PDE10A: variants seen among roughly 807,000 people sequenced by gnomAD.
PDE10A encodes cAMP and cAMP-inhibited cGMP 3',5'-cyclic phosphodiesterase 10A.
In PDE10A, 39 loss-of-function variants were observed where a neutral mutation model predicts 97.7. The ratio of observed to expected loss-of-function variants is 0.40; its 90% CI spans 0.31 to 0.52. PDE10A has a LOEUF of 0.52. PDE10A is among the 20% of genes least tolerant of loss of function. The pLI is 0.56. For synonymous variants in PDE10A, 371 were observed against 376.8 expected, an observed-to-expected ratio of 0.98 and a Z score of 0.18; for missense variants, 731 against 1,047.8, an observed-to-expected ratio of 0.70 and a Z score of 4.17.
chr6:165,342,084 T>C (rs1782005708), intron 19 of PDE10A, among the ~76,000 whole-genome samples: 1 of 152,236 alleles, frequency 6.6e-6, no homozygotes. Context: ...TAAGTTTTGA[T>C]AAATTTTAAC....
At chr6:165,363,766 T>C (rs1326804919) in intron 18 of PDE10A, among the ~76,000 whole-genome samples, 2 of 152,068 alleles carry the variant, frequency 1.3e-5, no homozygotes, top group African/African-American at 4.8e-5. Flanking sequence ...TTAACAAAAT[T>C]CCACTTACAA....
intron 1 of PDE10A, among the ~76,000 whole-genome samples, chr6:165,822,754 A>G (rs1115675): frequency 0.51 from 78,217 of 152,006 alleles, 21,715 homozygotes; most frequent in East Asian, 0.88. Context: ...TATCAACACT[A>G]TACACTTAGG....
At chr6:165,692,919 G>A (rs904981336) in intron 1 of PDE10A, among the ~76,000 whole-genome samples, 9 of 152,134 alleles carry the variant, frequency 5.9e-5, no homozygotes, top group Admixed American at 3.3e-4. Flanking sequence ...GTGTCTGTAC[G>A]GCAGAGATAA....
At chr6:165,747,675 G>T (rs553168296) in intron 1 of PDE10A, among the ~76,000 whole-genome samples, 4 of 152,254 alleles carry the variant, frequency 2.6e-5, no homozygotes, top group Admixed American at 2.6e-4. Context: ...GAAAGAAAAT[G>T]AGCCAGTAGG....
In PDE10A at chr6:165,464,455, G is replaced by T. The variant is rs1323145803; in HGVS notation, c.1024-14093C>A. The stretch of plus-strand genomic sequence containing the variant: ...TTTCTCAAGTCTAGAATACACAGAG[G>T]TAGTTTTAGAATTGCTAAGCCATAC... On this transcript the variant is annotated intron_variant, in intron 3 of 21. Transcript: ENST00000539869. Among the ~76,000 whole-genome samples the T allele has an allele frequency of 2.0e-5, 3 of 152,112 alleles. No homozygotes were observed. The East Asian group carries it at 5.8e-4, about 29-fold the overall frequency.
chr6:165,580,574 T>C (rs1326595116), intron 1 of PDE10A, among the ~76,000 whole-genome samples: 3 of 152,220 alleles, frequency 2.0e-5, no homozygotes. Context: ...TATAAGGTAA[T>C]GGTGATGTAG....
At chr6:165,475,259 A>G (rs1299932023) in intron 3 of PDE10A, among the ~76,000 whole-genome samples, 3 of 152,226 alleles carry the variant, frequency 2.0e-5, no homozygotes, top group Non-Finnish European at 4.4e-5. Flanking sequence ...TGTAGAATAT[A>G]TGGTCATAAG....
In PDE10A at chr6:165,936,553, C is replaced by G. The variant is rs180975331; in HGVS notation, c.-615+50976G>C. Among the ~76,000 whole-genome samples, 9 of 152,260 alleles carry G rather than the reference C, an allele frequency of 5.9e-5. No homozygotes were observed. In the East Asian group the frequency reaches 1.7e-3, roughly 29 times the overall value. The stretch of plus-strand genomic sequence containing the variant: ...GCACCAGAAGACAGCTGTGTCCCCA[C>G]CACTGGCTGTGTCTATTGTGTGGTG... On this transcript the variant is annotated intron_variant, in intron 1 of 19. Coordinates refer to the PDE10A transcript ENST00000366882.
At position 165,794,345 on chromosome 6, in the gene PDE10A, A is replaced by G. The variant is rs377128344; in HGVS notation, c.-615+193184T>C. Among the ~76,000 whole-genome samples, 27 of 150,124 alleles carry G rather than the reference A, an allele frequency of 1.8e-4. No homozygotes were observed. The East Asian group carries it at 5.1e-3, about 28-fold the overall frequency. ...TCATCACACACTCATAAACACCCAGACTCACACAGATGCTCACACACACTC... is the reference window on the plus strand; with the variant it reads ...TCATCACACACTCATAAACACCCAGGCTCACACAGATGCTCACACACACTC... On this transcript the variant is annotated intron_variant, in intron 1 of 19. Transcript: ENST00000366882.
intron 3 of PDE10A, among the ~76,000 whole-genome samples, chr6:165,469,653 TATC>T (rs1338542635): frequency 6.6e-6 from 1 of 152,010 alleles, no homozygotes; most frequent in Non-Finnish European, 1.5e-5. Flanking sequence ...GGTGAGAAGT[TATC>T]ATCAAGAATG....
chr6:165,610,088 A>G (rs1787416820), intron 1 of PDE10A, among the ~76,000 whole-genome samples: 1 of 152,240 alleles, frequency 6.6e-6, no homozygotes, highest in Non-Finnish European at 1.5e-5. Flanking sequence ...TGGAGGCATC[A>G]TGCTACCTGA....
At chr6:165,798,764 A>G (rs1312470675) in intron 1 of PDE10A, among the ~76,000 whole-genome samples, 1 of 152,202 alleles carries the variant, frequency 6.6e-6, no homozygotes, top group Non-Finnish European at 1.5e-5. Flanking sequence ...CCCAGACTGG[A>G]GTGCAGTGGC....
chr6:165,987,908 A>G (rs1281117653), exon 1 of PDE10A: 6 of 372,236 alleles, frequency 1.6e-5, no homozygotes, highest in African/African-American at 6.4e-5. Context: ...TCTCAGCTCA[A>G]GCTCCCAGCA....
chr6:165,958,617 G>A (rs929260027), intron 1 of PDE10A, among the ~76,000 whole-genome samples: 1 of 145,338 alleles, frequency 6.9e-6, no homozygotes, highest in South Asian at 2.2e-4. Flanking sequence ...AAGGAAGGAA[G>A]GAAGGAATGA....
At chr6:165,617,734 A>G (rs920633285) in intron 1 of PDE10A, among the ~76,000 whole-genome samples, 1 of 152,150 alleles carries the variant, frequency 6.6e-6, no homozygotes, top group Non-Finnish European at 1.5e-5. Context: ...ATGTGACTAA[A>G]TCACTGGGAC....
At chr6:165,918,736 C>T (rs1782673158) in intron 1 of PDE10A, among the ~76,000 whole-genome samples, 4 of 151,792 alleles carry the variant, frequency 2.6e-5, no homozygotes, top group Admixed American at 1.3e-4. Flanking sequence ...CCAAGTGGAC[C>T]TCATTTCTCC....
At chr6:165,980,234 C>A (rs1445420276) in intron 1 of PDE10A, among the ~76,000 whole-genome samples, 4 of 152,212 alleles carry the variant, frequency 2.6e-5, no homozygotes, top group Non-Finnish European at 5.9e-5. Context: ...GTACTCATGA[C>A]AGATCAAACT....
At chr6:165,666,024 C>G (rs563146409), upstream of PDE10A, among the ~76,000 whole-genome samples, 1 of 152,186 alleles carries the variant, frequency 6.6e-6, no homozygotes, top group Non-Finnish European at 1.5e-5. Flanking sequence ...TAAAAACATG[C>G]GTCTAGGTAC....
intron 1 of PDE10A, among the ~76,000 whole-genome samples, chr6:165,602,606 C>G (rs1232630431): frequency 6.6e-6 from 1 of 152,104 alleles, no homozygotes; most frequent in Non-Finnish European, 1.5e-5. Flanking sequence ...GGAATGACCT[C>G]GGTGATGAGT....
Sources: gnomAD v4.1 joint callset for allele counts (sites outside exome capture counted in the v4.1 genomes callset) on GRCh38, gnomAD v4.1.1 for gene constraint, MANE v1.5 for transcripts, NCBI Gene and HGNC (gene_info 2026-07-23, HGNC 2026-07-21) for gene names.